DDHD2: variants seen among roughly 807,000 people sequenced by gnomAD.
The protein encoded by DDHD2 is triacylglycerol hydrolase DDHD2.
DDHD2 carries 62 observed loss-of-function variants against 91.2 expected under a neutral mutation model. The observed-to-expected ratio is 0.68, with a 90% CI of 0.55 to 0.84. The LOEUF is 0.84. DDHD2 is among the 40% of genes least tolerant of loss of function. The pLI is 0.00. For missense variants in DDHD2, 740 were observed against 846.9 expected, an observed-to-expected ratio of 0.87 and a Z score of 1.57; for synonymous variants, 271 against 293.9, an observed-to-expected ratio of 0.92 and a Z score of 0.80.
intron 5 of DDHD2, chr8:38,238,846 A>T (rs1254437283): frequency 2.8e-6 from 1 of 354,418 alleles, no homozygotes. Context: ...TAGGAAATAC[A>T]CATTATGGTA....
chr8:38,268,462 C>T lies in DDHD2; in HGVS notation n.88-2660C>T, dbSNP rs923908550. The stretch of plus-strand genomic sequence containing the variant: ...ACAGTGGAGAGAGAAATGCAATAAC[C>T]TGAATCAGAATGTCAGAGGTTAAAA... On this transcript the variant is annotated intron_variant and non_coding_transcript_variant, in intron 1 of 1. Coordinates refer to the DDHD2 transcript ENST00000526071. 7.0e-6 allele frequency: 11 copies of T among 1,567,858 alleles called. No homozygotes were observed. Among genetic ancestry groups the T allele is most frequent in the Non-Finnish European group, 9.5e-6 (11 of 1,156,000 alleles).
chr8:38,268,210 A>C, intron 1 of DDHD2: 2 of 1,070,434 alleles, frequency 1.9e-6, no homozygotes, highest in South Asian at 1.6e-5. Flanking sequence ...TAGCCTGCGT[A>C]ACCAAGTCCC....
intron 16 of DDHD2, among the ~76,000 whole-genome samples, chr8:38,255,648 A>C (rs1038064010): frequency 6.6e-6 from 1 of 152,038 alleles, no homozygotes; most frequent in Non-Finnish European, 1.5e-5. Flanking sequence ...TGTTTTTTCT[A>C]CTAGTATATC....
At position 38,253,146 on chromosome 8, in the gene DDHD2, A is replaced by G. The variant is rs1194220594; in HGVS notation, c.1891+19A>G. On this transcript the variant is annotated intron_variant, in intron 15 of 17. Transcript: ENST00000397166. Reference sequence around the variant, plus strand: ...CCTAGTGGTCAGTGACACTGTACACATTGACCAGCTGCCAGATAAGAGGGA... The same window carrying G: ...CCTAGTGGTCAGTGACACTGTACACGTTGACCAGCTGCCAGATAAGAGGGA... The G allele has an allele frequency of 2.0e-5, 32 of 1,594,996 alleles. No homozygotes were observed. The highest frequency in any genetic ancestry group is 2.6e-5 in the Non-Finnish European group (31 of 1,171,580).
rs1465618534 is a variant in DDHD2, at chr8:38,246,237, G to A, written c.1062G>A (p.Ser354=). 2.5e-6 allele frequency: 4 copies of A among 1,602,206 alleles called. No individual in the cohort carries two copies. The highest frequency in any genetic ancestry group is 3.4e-6 in the Non-Finnish European group (4 of 1,170,002). The change falls in exon 9 of 18, where the codon TCG becomes TCA. Residue 354 remains serine, a synonymous_variant. Coordinates refer to ENST00000397166, the MANE Select transcript of DDHD2 (RefSeq NM_015214.3). The part of the protein sequence containing the change: ...GVSIAGHSLG[S]LILFDILTNQ... ...CTTCTTCTATTTTACTTATAGGTTC[G>A]CTTATATTGTTTGATATCCTAACAA...
chr8:38,263,450 T>C (rs1258722277), downstream of DDHD2: 11 of 985,274 alleles, frequency 1.1e-5, no homozygotes, highest in African/African-American at 1.2e-4. Flanking sequence ...AGTACAGTTA[T>C]GGTCAAATGA....
At position 38,268,367 on chromosome 8, in the gene DDHD2, T is replaced by G. The variant is rs1370367821; in HGVS notation, n.88-2755T>G. The G allele has an allele frequency of 8.3e-6, 13 of 1,563,576 alleles. No homozygotes were observed. The East Asian group carries it at 3.1e-4, about 37-fold the overall frequency. On this transcript the variant is annotated intron_variant and non_coding_transcript_variant, in intron 1 of 1. Coordinates refer to the DDHD2 transcript ENST00000526071. The stretch of plus-strand genomic sequence containing the variant: ...GAAACCGGCCCGAAAGGGCTAGCGC[T>G]CACCCAGGCAGGCTTGTCTGCTGTC...
chr8:38,264,947 G>A (rs1280915820), downstream of DDHD2: 3 of 1,604,172 alleles, frequency 1.9e-6, no homozygotes, highest in South Asian at 2.2e-5. Flanking sequence ...CATTTAAAGG[G>A]TCCTAGAGGA....
intron 3 of DDHD2, among the ~76,000 whole-genome samples, chr8:38,235,902 A>AC (rs1804697977): frequency 1.1e-5 from 1 of 92,638 alleles, no homozygotes; most frequent in Non-Finnish European, 2.4e-5. Flanking sequence ...CACACACACA[A>AC]ATACAAATGC....
chr8:38,257,175 C>T (rs1340263635), intron 16 of DDHD2, among the ~76,000 whole-genome samples: 1 of 151,422 alleles, frequency 6.6e-6, no homozygotes, highest in Non-Finnish European at 1.5e-5. Context: ...CTCCAGTGAT[C>T]CTCCCACTTG....
downstream of DDHD2, chr8:38,263,667 T>C (rs1807211091): frequency 1.0e-6 from 1 of 985,394 alleles, no homozygotes; most frequent in Non-Finnish European, 1.2e-6. Context: ...TAAGGCTTGA[T>C]GGAATTGTCA....
chr8:38,232,985 A>G lies in DDHD2; in HGVS notation c.-8-2A>G, dbSNP rs1386525718. Reference sequence around the variant, plus strand: ...TTCCTGATAGTTTTCTTTTGTCTTTAGAGAGCGAAATGTCATCAGTGCAGT... The same window carrying G: ...TTCCTGATAGTTTTCTTTTGTCTTTGGAGAGCGAAATGTCATCAGTGCAGT... On this transcript the variant is annotated splice_acceptor_variant, in intron 1 of 17. Transcript: ENST00000397166. LOFTEE classifies it low-confidence loss of function (5UTR_SPLICE). 3 of 1,612,170 alleles carry G rather than the reference A, an allele frequency of 1.9e-6. No individual in the cohort carries two copies. The highest frequency in any genetic ancestry group is 2.5e-6 in the Non-Finnish European group (3 of 1,179,000).
At chr8:38,256,610 A>G (rs1012926229) in intron 16 of DDHD2, among the ~76,000 whole-genome samples, 1 of 152,204 alleles carries the variant, frequency 6.6e-6, no homozygotes, top group Non-Finnish European at 1.5e-5. Context: ...GACATGATCA[A>G]TGTTGTGTAT....
rs752574924 is a variant in DDHD2, at chr8:38,249,778, A to G, written c.1319A>G (p.Tyr440Cys). The G allele has an allele frequency of 3.1e-6, 5 of 1,611,398 alleles. No individual in the cohort carries two copies. Among genetic ancestry groups the G allele is most frequent in the Non-Finnish European group, 4.2e-6 (5 of 1,178,168 alleles). ...PLGPRKKILN[Y>C]FSTRKNSMGI... ...GGACCAAGAAAGAAGATATTAAACT[A>G]TTTCAGCACCAGAAAAAACTCAATG... The change falls in exon 11 of 18, where the codon TAT becomes TGT. Residue 440 changes from tyrosine to cysteine, a missense_variant. Tyr to Cys is a radical substitution (Grantham distance 194). Transcript: ENST00000397166.
Position 38,234,469 on chromosome 8 carries a change from A to C in DDHD2, c.296A>C (p.Tyr99Ser), listed in dbSNP as rs767339299. The C allele has an allele frequency of 9.9e-6, 16 of 1,612,900 alleles. No individual in the cohort carries two copies. The South Asian group carries it at 1.4e-4, about 14-fold the overall frequency. ...YDVHLGERMR[Y>S]AVYWDELASE... Reference sequence around the variant, plus strand: ...GTTCATTTGGGGGAGAGGATGCGGTATGCTGTATACTGGGATGAACTGGCA... The same window carrying C: ...GTTCATTTGGGGGAGAGGATGCGGTCTGCTGTATACTGGGATGAACTGGCA... The change falls in exon 3 of 18, where the codon TAT (tyrosine) becomes TCT (serine). Residue 99 changes from tyrosine to serine, a missense_variant. Around this residue, in one of 2 missense-constraint regions of DDHD2, gnomAD observed 693 missense variants for 764.2 expected, o/e 0.91. Transcript: ENST00000397166.
At chr8:38,268,493 C>T (rs1254256158) in intron 1 of DDHD2, 1 of 1,549,652 alleles carries the variant, frequency 6.5e-7, no homozygotes, top group East Asian at 2.4e-5. Flanking sequence ...TAAAAACAAT[C>T]CAAAAAAAAG....
At chr8:38,271,226 T>G (rs752819608) in exon 2 of DDHD2, 28 of 152,188 alleles carry the variant, frequency 1.8e-4, no homozygotes, top group Non-Finnish European at 2.5e-4. Context: ...GATAAGAGAC[T>G]AGGCTATTTA....
chr8:38,268,142 A>G (rs1244727203), intron 1 of DDHD2: 3 of 1,386,102 alleles, frequency 2.2e-6, no homozygotes, highest in African/African-American at 1.5e-5. Flanking sequence ...TACTAGGCCA[A>G]AGACATTTCT....
At chr8:38,232,901 C>T (rs1414916770) in intron 1 of DDHD2, 86 bp from the exon 2 acceptor site, 3 of 838,630 alleles carry the variant, frequency 3.6e-6, no homozygotes, top group East Asian at 2.7e-5. Context: ...GAAATGGCTC[C>T]GTAAAATGAT....
Sources: allele counts gnomAD v4.1 joint callset (sites outside exome capture counted in the v4.1 genomes callset), GRCh38; gene constraint gnomAD v4.1.1; regional missense constraint gnomAD v4.1.1; transcripts MANE v1.5; gene names NCBI Gene and HGNC (gene_info 2026-07-23, HGNC 2026-07-21).